Variants in LRRC37A2 observed in about 807,000 individuals in gnomAD.
LRRC37A2 encodes leucine-rich repeat-containing protein 37A2.
LRRC37A2 carries 9 observed loss-of-function variants against 68.8 expected under a neutral mutation model. The observed-to-expected ratio is 0.13, with a 90% CI of 0.08 to 0.23. The LOEUF is 0.23. Among genes scored for constraint, LRRC37A2 ranks in the 10% least tolerant of loss-of-function variants. LRRC37A2 has a pLI of 1.00. For missense variants in LRRC37A2, 168 were observed against 950.4 expected (o/e 0.18, Z 10.82); for synonymous variants, 63 against 367.6 (o/e 0.17, Z 9.48).
the LRRC37A2 span, among the ~76,000 whole-genome samples, chr17:47,022,168 C>CTTTTTTTTTTT: frequency 3.7e-3 from 73 of 19,708 alleles, 14 homozygotes; most frequent in African/African-American, 4.2e-3. Context: ...TTTTTGTTCT[C>CTTTTTTTTTTT]TTTTTTTTTT....
chr17:47,003,572 G>A, the LRRC37A2 span, among the ~76,000 whole-genome samples: 1 of 152,246 alleles, frequency 6.6e-6, no homozygotes, highest in Non-Finnish European at 1.5e-5. Flanking sequence ...GCAGATTTTA[G>A]CTGGATGGAA....
the LRRC37A2 span, among the ~76,000 whole-genome samples, chr17:46,904,194 AG>A: frequency 9.1e-6 from 1 of 110,276 alleles, no homozygotes. Flanking sequence ...GTGGCTGGTT[AG>A]CTGGATATAT....
the LRRC37A2 span, among the ~76,000 whole-genome samples, chr17:46,733,790 T>G: frequency 6.6e-6 from 1 of 152,312 alleles, no homozygotes; most frequent in African/African-American, 2.4e-5. Flanking sequence ...GAATTACCAC[T>G]CCAACGTCAT....
At chr17:46,704,731 C>G in the LRRC37A2 span, 1 of 1,595,206 alleles carries the variant, frequency 6.3e-7, no homozygotes, top group South Asian at 1.1e-5. Context: ...CTTGGAAGTC[C>G]TTACATTTTG....
chr17:46,974,987 CTTTTTTTTTTTTT>C, the LRRC37A2 span, among the ~76,000 whole-genome samples: 2 of 119,050 alleles, frequency 1.7e-5, no homozygotes, highest in Admixed American at 8.9e-5. Flanking sequence ...TTACTATTTT[CTTTTTTTTTTTTT>C]TTTTTTTTTT....
At chr17:46,735,948 A>T in the LRRC37A2 span, among the ~76,000 whole-genome samples, 1 of 152,108 alleles carries the variant, frequency 6.6e-6, no homozygotes, top group Non-Finnish European at 1.5e-5. Flanking sequence ...TCTGTCTCAA[A>T]AAAAGAATTG....
At chr17:46,953,831 T>C in the LRRC37A2 span, among the ~76,000 whole-genome samples, 2 of 152,268 alleles carry the variant, frequency 1.3e-5, no homozygotes, top group Non-Finnish European at 2.9e-5. Context: ...GCTGCATAAA[T>C]GTCTTCTTTT....
the LRRC37A2 span, among the ~76,000 whole-genome samples, chr17:46,685,495 A>C: frequency 1.3e-5 from 2 of 152,020 alleles, no homozygotes; most frequent in Non-Finnish European, 2.9e-5. Context: ...ATATAGGTCA[A>C]ACTAGTTAAA....
the LRRC37A2 span, among the ~76,000 whole-genome samples, chr17:46,781,397 A>G: frequency 6.6e-6 from 1 of 151,666 alleles, no homozygotes; most frequent in African/African-American, 2.4e-5. Flanking sequence ...TAGGCAACAG[A>G]GTAAGACTCT....
chr17:46,985,012 G>A, the LRRC37A2 span, among the ~76,000 whole-genome samples: 17 of 152,300 alleles, frequency 1.1e-4, no homozygotes, highest in African/African-American at 2.4e-4. Flanking sequence ...TGTTTGGCAC[G>A]CTTTTCCTGG....
the LRRC37A2 span, among the ~76,000 whole-genome samples, chr17:46,735,182 A>T: frequency 6.6e-6 from 1 of 152,246 alleles, no homozygotes; most frequent in Non-Finnish European, 1.5e-5. Flanking sequence ...TATAGTAGAT[A>T]TTAATACCAG....
chr17:46,539,943 CT>C (rs1317290619), intron 6 of LRRC37A2, among the ~76,000 whole-genome samples: 2 of 139,152 alleles, frequency 1.4e-5, no homozygotes, highest in South Asian at 2.2e-4. Flanking sequence ...TTGCTATCCA[CT>C]TTTTTTTTCC....
the LRRC37A2 span, among the ~76,000 whole-genome samples, chr17:46,988,134 T>C: frequency 1.3e-5 from 2 of 152,236 alleles, no homozygotes; most frequent in Admixed American, 1.3e-4. Flanking sequence ...ATTGCATCAC[T>C]GCACTCCAGC....
chr17:46,898,725 C>A, the LRRC37A2 span, among the ~76,000 whole-genome samples: 1 of 152,318 alleles, frequency 6.6e-6, no homozygotes, highest in African/African-American at 2.4e-5. Context: ...GAGAGTCAGA[C>A]AATTGCATAT....
At chr17:46,807,719 A>G in the LRRC37A2 span, among the ~76,000 whole-genome samples, 1 of 152,186 alleles carries the variant, frequency 6.6e-6, no homozygotes, top group Non-Finnish European at 1.5e-5. Flanking sequence ...AGACTCCAAC[A>G]TGTCTGCCCT....
the LRRC37A2 span, among the ~76,000 whole-genome samples, chr17:46,951,295 C>T: frequency 6.6e-6 from 1 of 152,322 alleles, no homozygotes; most frequent in South Asian, 2.1e-4. Flanking sequence ...GTGGCACTCT[C>T]CCCACAGGTT....
At chr17:46,923,042 G>C in the LRRC37A2 span, 1 of 671,704 alleles carries the variant, frequency 1.5e-6, no homozygotes, top group African/African-American at 1.8e-5. Flanking sequence ...CTCCGATCTC[G>C]CAACCACTGC....
At chr17:46,737,893 T>A in the LRRC37A2 span, among the ~76,000 whole-genome samples, 2 of 151,040 alleles carry the variant, frequency 1.3e-5, no homozygotes, top group African/African-American at 4.9e-5. Flanking sequence ...AGGATTTATG[T>A]ATGCTAAAAT....
the LRRC37A2 span, among the ~76,000 whole-genome samples, chr17:46,841,592 C>T: frequency 1.3e-5 from 2 of 151,590 alleles, no homozygotes; most frequent in Non-Finnish European, 2.9e-5. Context: ...AACAGGGCTT[C>T]GGAGAAGGGA....
Sources: allele counts gnomAD v4.1 joint callset (sites outside exome capture counted in the v4.1 genomes callset), GRCh38; gene constraint gnomAD v4.1.1; transcripts MANE v1.5; gene names NCBI Gene and HGNC (gene_info 2026-07-23, HGNC 2026-07-21).